TENM2: variants seen among roughly 807,000 people sequenced by gnomAD.
TENM2 encodes the protein teneurin transmembrane protein 2.
A neutral mutation model predicts 245.2 loss-of-function variants in TENM2; 52 were observed. That is an observed-to-expected ratio of 0.21 (90% confidence interval 0.17 to 0.27). TENM2 has a LOEUF of 0.27. TENM2 is among the 10% of genes least tolerant of loss of function. TENM2 has a pLI of 1.00. For missense variants in TENM2, 3,046 were observed against 3,666.8 expected (o/e 0.83, Z 4.37); for synonymous variants, 1,363 against 1,438.9 (o/e 0.95, Z 1.19).
At chr5:168,134,910 A>G (rs1430112891) in intron 12 of TENM2, among the ~76,000 whole-genome samples, 1 of 152,186 alleles carries the variant, frequency 6.6e-6, no homozygotes, top group Non-Finnish European at 1.5e-5. Flanking sequence ...AGATGGCCTC[A>G]TTGACTGTAT....
intron 2 of TENM2, among the ~76,000 whole-genome samples, chr5:167,584,071 G>A (rs1775305037): frequency 6.6e-6 from 1 of 152,148 alleles, no homozygotes; most frequent in African/African-American, 2.4e-5. Context: ...TATAACTGCT[G>A]GTTTAATTGT....
chr5:168,150,457 C>T (rs767119471), intron 12 of TENM2, among the ~76,000 whole-genome samples: 3 of 152,196 alleles, frequency 2.0e-5, no homozygotes, highest in South Asian at 2.1e-4. Flanking sequence ...GGACGCCATG[C>T]GGGGGCTTCC....
At chr5:168,168,941 A>G (rs772551423) in intron 13 of TENM2, among the ~76,000 whole-genome samples, 3 of 152,212 alleles carry the variant, frequency 2.0e-5, no homozygotes, top group Non-Finnish European at 4.4e-5. Context: ...TAGACCCTGA[A>G]AATAAGCCTT....
At chr5:167,468,610 A>C (rs1766815960) in intron 2 of TENM2, among the ~76,000 whole-genome samples, 2 of 152,322 alleles carry the variant, frequency 1.3e-5, no homozygotes, top group South Asian at 4.1e-4. Flanking sequence ...AGAGCTTAGA[A>C]AGCTAGCAGG....
At chr5:167,909,777 T>C (rs368283680) in intron 3 of TENM2, among the ~76,000 whole-genome samples, 2 of 152,330 alleles carry the variant, frequency 1.3e-5, no homozygotes, top group East Asian at 3.9e-4. Context: ...TAGTTTTATT[T>C]TGAAGAGAGA....
At chr5:167,421,442 G>C (rs771723109) in intron 2 of TENM2, among the ~76,000 whole-genome samples, 5 of 152,112 alleles carry the variant, frequency 3.3e-5, no homozygotes, top group Non-Finnish European at 7.3e-5. Flanking sequence ...GACCAGCCTC[G>C]GCATGGGTGT....
At chr5:167,857,958 C>A (rs1443169056) in intron 2 of TENM2, among the ~76,000 whole-genome samples, 1 of 152,128 alleles carries the variant, frequency 6.6e-6, no homozygotes, top group Admixed American at 6.5e-5. Context: ...ACATTTTTTT[C>A]ATCAGCAAAG....
At chr5:167,456,198 C>A (rs1212249081) in intron 2 of TENM2, among the ~76,000 whole-genome samples, 1 of 152,074 alleles carries the variant, frequency 6.6e-6, no homozygotes, top group Non-Finnish European at 1.5e-5. Context: ...GAAGAGATGA[C>A]CCACTGTGTC....
At chr5:167,998,106 A>G (rs1422946) in intron 5 of TENM2, among the ~76,000 whole-genome samples, 150,823 of 152,362 alleles carry the variant, frequency 0.99, 74,654 homozygotes, top group East Asian at 1. Context: ...ACACTTCATC[A>G]TGAAAGCATA....
chr5:167,212,362 T>C, the TENM2 span, among the ~76,000 whole-genome samples: 1 of 152,142 alleles, frequency 6.6e-6, no homozygotes, highest in Non-Finnish European at 1.5e-5. Context: ...TTCATTGTGC[T>C]CAGCAACACA....
chr5:168,109,932 C>T (rs186464172), intron 9 of TENM2, among the ~76,000 whole-genome samples: 20 of 152,228 alleles, frequency 1.3e-4, no homozygotes, highest in South Asian at 4.1e-4. Context: ...CGCGGCAGCT[C>T]CTGATGTTTC....
chr5:167,085,347 A>G, the TENM2 span, among the ~76,000 whole-genome samples: 160 of 152,316 alleles, frequency 1.1e-3, 2 homozygotes, highest in Middle Eastern at 3.4e-3. Flanking sequence ...GATACTCAAG[A>G]TAATGATTGT....
At chr5:167,298,157 G>C (rs12055340) in intron 1 of TENM2, among the ~76,000 whole-genome samples, 88 of 152,188 alleles carry the variant, frequency 5.8e-4, no homozygotes, top group Non-Finnish European at 1.1e-3. Context: ...GGGCTGCCTC[G>C]AGCGGGATTG....
Position 167,285,076 on chromosome 5 carries a change from T to TC in TENM2, c.226+17dup, listed in dbSNP as rs953889901. 6.5e-7 allele frequency: 1 copy of TC among 1,538,998 alleles called. No homozygotes were observed. The highest frequency in any genetic ancestry group is 1.4e-5 in the African/African-American group (1 of 72,700). On this transcript the variant is annotated intron_variant, in intron 1 of 28. Transcript: ENST00000518659. ...TTTCCTAGACAAGGTTTGTAGGGTT[T>TC]CCCCTGCTGATTTGCTCTCAACTGT...
rs36042366 is a variant in TENM2, at chr5:168,181,669, CTTTTTT to C, written c.2570-8648_2570-8643del. On this transcript the variant is annotated intron_variant, in intron 13 of 28. Coordinates refer to ENST00000518659, the Ensembl canonical transcript of TENM2. ...AAGGAGTGCAAATACAGTTTTACTTCTTTTTTTTTTTTTTTTTTTTTTTTTGAGACA... is the reference window on the plus strand; with the variant it reads ...AAGGAGTGCAAATACAGTTTTACTTCTTTTTTTTTTTTTTTTTTTGAGACA... Among the ~76,000 whole-genome samples, 15 of 78,894 alleles carry C rather than the reference CTTTTTT, an allele frequency of 1.9e-4. No homozygotes were observed. The South Asian group carries it at 5.3e-3, about 28-fold the overall frequency. 51.8% of individuals were successfully genotyped at this position (78,894 alleles called of 152,430 possible). A position where few individuals can be genotyped will look rare whatever the true frequency, so the allele number is the denominator to read the frequency against.
chr5:168,167,836 T>A (rs1026023818), intron 13 of TENM2, among the ~76,000 whole-genome samples: 6 of 152,218 alleles, frequency 3.9e-5, no homozygotes, highest in African/African-American at 1.4e-4. Context: ...GGCATGGCAA[T>A]GCCAATGTCA....
chr5:168,230,542 G>C (rs1006161537), intron 25 of TENM2, among the ~76,000 whole-genome samples: 2 of 152,198 alleles, frequency 1.3e-5, no homozygotes, highest in Admixed American at 6.5e-5. Context: ...CCCATGGCAG[G>C]GAGTTTGCAG....
chr5:168,256,318 C>T (rs921334396), intron 27 of TENM2, among the ~76,000 whole-genome samples: 6 of 151,904 alleles, frequency 3.9e-5, no homozygotes, highest in African/African-American at 1.5e-4. Context: ...CCAGGACCTA[C>T]CTGGTACATA....
intron 5 of TENM2, among the ~76,000 whole-genome samples, chr5:168,010,550 T>C (rs957590597): frequency 6.6e-6 from 1 of 152,232 alleles, no homozygotes; most frequent in Admixed American, 6.5e-5. Context: ...CAGCATCTTT[T>C]AGAACAGTGT....
Sources: gnomAD v4.1 joint callset for allele counts (sites outside exome capture counted in the v4.1 genomes callset) on GRCh38, gnomAD v4.1.1 for gene constraint, MANE v1.5 for transcripts, NCBI Gene and HGNC (gene_info 2026-07-23, HGNC 2026-07-21) for gene names.